The following NEK11 variants were observed in gnomAD, a reference collection of about 807,000 sequenced individuals.
NEK11 encodes the protein serine/threonine-protein kinase Nek11.
A neutral mutation model predicts 80.7 loss-of-function variants in NEK11; 72 were observed. The observed-to-expected ratio is 0.89, with a 90% CI of 0.74 to 1.08. The LOEUF (loss-of-function observed/expected upper bound fraction) is 1.08. Ranked by LOEUF, NEK11 falls within the 50% of genes least tolerant of loss-of-function variation. The pLI, the probability that NEK11 is intolerant of heterozygous loss-of-function variation, is 0.00. For missense variants in NEK11, 764 were observed against 763.6 expected, an observed-to-expected ratio of 1.00 and a Z score of -0.01; for synonymous variants, 251 against 260.7, an observed-to-expected ratio of 0.96 and a Z score of 0.36.
rs535049763 is a variant in NEK11 at position 131,037,848 on chromosome 3, A to G, written c.170+7970A>G. ...ATGAGTCCAACTTTGAACTCAATCT[A>G]TGTATTCTTATTAAAGCTACTATTT... On this transcript the variant is annotated intron_variant, in intron 3 of 17. Coordinates refer to ENST00000383366, the MANE Select transcript of NEK11 (RefSeq NM_024800.5). Among the ~76,000 whole-genome samples, 8 of 152,296 alleles carry G rather than the reference A, an allele frequency of 5.3e-5. No homozygotes were observed. In the East Asian group the frequency reaches 7.7e-4, roughly 15 times the overall value.
At chr3:131,216,975 G>A (rs1006424524) in intron 14 of NEK11, among the ~76,000 whole-genome samples, 4 of 152,104 alleles carry the variant, frequency 2.6e-5, no homozygotes, top group Non-Finnish European at 5.9e-5. Context: ...TCATAAAAGG[G>A]GATGAGTCAC....
intron 15 of NEK11, among the ~76,000 whole-genome samples, chr3:131,242,259 G>T (rs1043827179): frequency 1.3e-5 from 2 of 152,124 alleles, no homozygotes; most frequent in African/African-American, 2.4e-5. Context: ...TTATTATAAT[G>T]GAGGGGTTTG....
At chr3:131,312,965 C>T (rs1277632015) in intron 17 of NEK11, among the ~76,000 whole-genome samples, 3 of 152,126 alleles carry the variant, frequency 2.0e-5, no homozygotes, top group African/African-American at 7.2e-5. Flanking sequence ...TTCCACTCCT[C>T]TTCCTCCTCC....
intron 2 of NEK11, among the ~76,000 whole-genome samples, chr3:131,029,339 G>T (rs2064431889): frequency 2.0e-5 from 3 of 152,188 alleles, no homozygotes; most frequent in African/African-American, 7.2e-5. Context: ...TGAAGAGATT[G>T]CTCATTGTAA....
At chr3:131,269,853 G>A (rs540904585) in intron 16 of NEK11, among the ~76,000 whole-genome samples, 1 of 152,290 alleles carries the variant, frequency 6.6e-6, no homozygotes, top group Non-Finnish European at 1.5e-5. Context: ...CCACACATGG[G>A]GTTTCATAAA....
rs370659344 is a variant in NEK11 at position 131,199,087 on chromosome 3, A to G, written c.1399+28200A>G. ...CCTTTGGTTTGGAAACCTTGTAGCC[A>G]CAGGTAACGAGGAAATTTAGCCTTG... On this transcript the variant is annotated intron_variant, in intron 14 of 17. Coordinates refer to ENST00000383366, the MANE Select transcript of NEK11 (RefSeq NM_024800.5). 2.6e-5 allele frequency among the ~76,000 whole-genome samples: 4 copies of G among 152,204 alleles called. 1 individual carries two copies. In the South Asian group the frequency reaches 8.3e-4, roughly 31 times the overall value.
At position 131,109,905 on chromosome 3, in the gene NEK11, G is replaced by A; in HGVS notation, c.439G>A (p.Asp147Asn). The A allele has an allele frequency of 6.2e-7, 1 of 1,600,240 alleles. No individual in the cohort carries two copies. Among genetic ancestry groups the A allele is most frequent in the South Asian group, 1.1e-5 (1 of 88,138 alleles). ...GTTTATCCAGCTGCTGCTGGGAGTT[G>A]ACTACATGCATGAGAGGTATGTTCA... ...EWFIQLLLGV[D>N]YMHERRILHR... The change falls in exon 5 of 18, where the codon GAC becomes AAC. Residue 147 changes from aspartate (D) to asparagine (N), a missense_variant. By Grantham distance (23) the Asp-to-Asn change is conservative. Coordinates refer to ENST00000383366, the MANE Select transcript of NEK11 (RefSeq NM_024800.5).
At chr3:131,133,382 A>G (rs1164129065) in intron 6 of NEK11, 1 of 422,604 alleles carries the variant, frequency 2.4e-6, no homozygotes, top group African/African-American at 2.1e-5. Flanking sequence ...TGATAGATTC[A>G]AATTTTTATA....
chr3:131,209,828 A>G (rs1476424936), intron 14 of NEK11, among the ~76,000 whole-genome samples: 1 of 152,000 alleles, frequency 6.6e-6, no homozygotes, highest in Non-Finnish European at 1.5e-5. Context: ...ATTGGTGGTG[A>G]TATCCCCTTT....
chr3:131,248,423 T>C (rs1435616461), intron 16 of NEK11, among the ~76,000 whole-genome samples: 1 of 152,114 alleles, frequency 6.6e-6, no homozygotes, highest in Admixed American at 6.6e-5. Context: ...ATTTTTTAAA[T>C]AGGCATACAA....
chr3:131,227,550 T>A (rs2095234949), intron 14 of NEK11, among the ~76,000 whole-genome samples: 1 of 152,124 alleles, frequency 6.6e-6, no homozygotes, highest in South Asian at 2.1e-4. Flanking sequence ...TGACCCCAAA[T>A]TTCATATTTT....
chr3:131,232,884 C>T (rs1436720985), intron 15 of NEK11, among the ~76,000 whole-genome samples: 1 of 151,822 alleles, frequency 6.6e-6, no homozygotes, highest in African/African-American at 2.4e-5. Context: ...AGTTCAGGTA[C>T]TCCAGGAAGC....
chr3:131,044,422 C>CAAAAAAAA (rs57412173), intron 3 of NEK11, among the ~76,000 whole-genome samples: 9 of 37,762 alleles, frequency 2.4e-4, no homozygotes, highest in African/African-American at 3.0e-4. Context: ...AAATGGAAAG[C>CAAAAAAAA]AAAAAAAAAA....
intron 7 of NEK11, among the ~76,000 whole-genome samples, chr3:131,142,427 G>T (rs1053769766): frequency 6.6e-6 from 1 of 150,596 alleles, no homozygotes; most frequent in African/African-American, 2.4e-5. Flanking sequence ...TTGATGTTCT[G>T]TCCATCATAA....
chr3:131,082,940 A>ATTT (rs2075484299), intron 4 of NEK11, among the ~76,000 whole-genome samples: 1 of 152,226 alleles, frequency 6.6e-6, no homozygotes, highest in Non-Finnish European at 1.5e-5. Flanking sequence ...TTATGTAACC[A>ATTT]TAGTACAGTA....
chr3:131,281,041 T>A (rs2096387644), intron 17 of NEK11, among the ~76,000 whole-genome samples: 1 of 152,254 alleles, frequency 6.6e-6, no homozygotes. Context: ...CTCTCTCAGC[T>A]CAGTAATCTC....
intron 14 of NEK11, among the ~76,000 whole-genome samples, chr3:131,204,582 TG>T (rs1266719984): frequency 6.6e-6 from 1 of 151,736 alleles, no homozygotes; most frequent in East Asian, 1.9e-4. Flanking sequence ...TGTTTGTTTG[TG>T]GGAAAAACAC....
chr3:131,203,807 A>G (rs1286764029), intron 14 of NEK11, among the ~76,000 whole-genome samples: 2,320 of 48,668 alleles, frequency 0.048, 207 homozygotes, highest in African/African-American at 0.15. Context: ...ATATATATAT[A>G]TATATATATA....
At chr3:131,171,518 T>G (rs1410328101) in intron 14 of NEK11, among the ~76,000 whole-genome samples, 1 of 152,134 alleles carries the variant, frequency 6.6e-6, no homozygotes, top group Non-Finnish European at 1.5e-5. Context: ...CATAAGCTAA[T>G]GGTTAAATGC....
Sources: allele counts gnomAD v4.1 joint callset (sites outside exome capture counted in the v4.1 genomes callset), GRCh38; gene constraint gnomAD v4.1.1; transcripts MANE v1.5; gene names NCBI Gene and HGNC (gene_info 2026-07-23, HGNC 2026-07-21).